The following ACBD6 variants were observed in gnomAD, a reference collection of about 807,000 sequenced individuals.
The protein encoded by ACBD6 is acyl-CoA-binding domain-containing protein 6.
Under a neutral mutation model 37.2 loss-of-function variants are expected in ACBD6, and 28 were observed. The observed-to-expected ratio is 0.75, with a 90% confidence interval of 0.56 to 1.03. The LOEUF (loss-of-function observed/expected upper bound fraction) is 1.03. Among genes scored for constraint, ACBD6 ranks in the 50% least tolerant of loss-of-function variants. The pLI is 0.00. For missense variants in ACBD6, 340 were observed against 337.4 expected (o/e 1.01, Z -0.06); for synonymous variants, 113 against 126.8 (o/e 0.89, Z 0.73).
At chr1:180,285,964 T>G (rs1160480775), downstream of ACBD6, among the ~76,000 whole-genome samples, 1 of 152,182 alleles carries the variant, frequency 6.6e-6, no homozygotes, top group East Asian at 1.9e-4. Flanking sequence ...AAGATTTAGT[T>G]AGTTTCTGAT....
chr1:180,366,464 T>C (rs1451346166), intron 6 of ACBD6, among the ~76,000 whole-genome samples: 2 of 152,182 alleles, frequency 1.3e-5, no homozygotes, highest in Non-Finnish European at 2.9e-5. Flanking sequence ...CAAGAGAGAA[T>C]GTAGCCAGGG....
At chr1:180,339,520 G>A (rs1203246246) in intron 6 of ACBD6, among the ~76,000 whole-genome samples, 3 of 102,234 alleles carry the variant, frequency 2.9e-5, no homozygotes, top group African/African-American at 8.2e-5. Context: ...ATCACACCCC[G>A]GGGCCTGTTG....
intron 5 of ACBD6, among the ~76,000 whole-genome samples, chr1:180,407,760 C>G (rs1252017098): frequency 6.6e-6 from 1 of 152,098 alleles, no homozygotes; most frequent in African/African-American, 2.4e-5. Context: ...CAATATCTGC[C>G]TTAGAGAACT....
At chr1:180,400,786 G>A (rs1328131444) in intron 5 of ACBD6, among the ~76,000 whole-genome samples, 1 of 152,030 alleles carries the variant, frequency 6.6e-6, no homozygotes, top group East Asian at 1.9e-4. Flanking sequence ...AAACACCTGT[G>A]GTTTCTTTCC....
intron 7 of ACBD6, among the ~76,000 whole-genome samples, chr1:180,299,332 G>A (rs1650041176): frequency 6.6e-6 from 1 of 152,134 alleles, no homozygotes; most frequent in African/African-American, 2.4e-5. Context: ...GGATATACTG[G>A]TGCCCACAAT....
intron 6 of ACBD6, among the ~76,000 whole-genome samples, chr1:180,382,902 T>G (rs1204767591): frequency 3.9e-5 from 6 of 152,064 alleles, no homozygotes. Flanking sequence ...ATACACAAAT[T>G]AATAAATGTG....
chr1:180,276,132 C>A (rs1649012904), intron 9 of ACBD6: 2 of 152,168 alleles, frequency 1.3e-5, no homozygotes, highest in African/African-American at 4.8e-5. Flanking sequence ...TAAATGAGAT[C>A]AGCAGAGTAG....
intron 6 of ACBD6, among the ~76,000 whole-genome samples, chr1:180,331,788 G>T (rs1215369202): frequency 2.0e-5 from 3 of 152,118 alleles, no homozygotes; most frequent in Non-Finnish European, 4.4e-5. Flanking sequence ...CCAACCCCAA[G>T]ACTTCATGTT....
chr1:180,391,700 G>A (rs898772981), intron 6 of ACBD6, among the ~76,000 whole-genome samples: 1 of 152,134 alleles, frequency 6.6e-6, no homozygotes, highest in African/African-American at 2.4e-5. Flanking sequence ...ATACATCACT[G>A]CTGAGAATAT....
At chr1:180,417,383 A>G (rs1648143993) in intron 4 of ACBD6, among the ~76,000 whole-genome samples, 1 of 152,188 alleles carries the variant, frequency 6.6e-6, no homozygotes, top group South Asian at 2.1e-4. Flanking sequence ...TATAACCAAA[A>G]GACGGAGGCA....
chr1:180,317,132 C>A (rs114897518), intron 6 of ACBD6, among the ~76,000 whole-genome samples: 1 of 152,128 alleles, frequency 6.6e-6, no homozygotes, highest in African/African-American at 2.4e-5. Context: ...TAGAAGTGTG[C>A]GCACACAGAA....
At chr1:180,324,911 A>G (rs1487301521) in intron 6 of ACBD6, among the ~76,000 whole-genome samples, 2 of 152,104 alleles carry the variant, frequency 1.3e-5, no homozygotes, top group Admixed American at 1.3e-4. Context: ...TTAGCACTTT[A>G]AATATGTCAT....
intron 6 of ACBD6, among the ~76,000 whole-genome samples, chr1:180,361,437 T>C (rs1652849077): frequency 6.7e-6 from 1 of 148,998 alleles, no homozygotes; most frequent in African/African-American, 2.4e-5. Flanking sequence ...AAACACATAA[T>C]GGAATCTGTA....
At chr1:180,454,125 T>C (rs773706901) in intron 3 of ACBD6, among the ~76,000 whole-genome samples, 3 of 152,108 alleles carry the variant, frequency 2.0e-5, no homozygotes, top group Non-Finnish European at 4.4e-5. Context: ...CTTCAAACTA[T>C]ACTACAAGGC....
chr1:180,370,673 C>T (rs957598271), intron 6 of ACBD6, among the ~76,000 whole-genome samples: 1 of 151,840 alleles, frequency 6.6e-6, no homozygotes, highest in South Asian at 2.1e-4. Context: ...ATGGAACTAT[C>T]GTGTGTGTGT....
At chr1:180,348,575 T>C (rs1652281146) in intron 6 of ACBD6, among the ~76,000 whole-genome samples, 1 of 152,164 alleles carries the variant, frequency 6.6e-6, no homozygotes, top group Admixed American at 6.5e-5. Context: ...GGAGTATAAA[T>C]GAATGTAGCC....
At chr1:180,316,351 C>CACAT (rs1206417449) in intron 6 of ACBD6, among the ~76,000 whole-genome samples, 1 of 151,748 alleles carries the variant, frequency 6.6e-6, no homozygotes, top group Non-Finnish European at 1.5e-5. Context: ...CACACACACA[C>CACAT]ACATACATGC....
intron 4 of ACBD6, among the ~76,000 whole-genome samples, chr1:180,429,053 G>C (rs954055859): frequency 6.6e-6 from 1 of 152,218 alleles, no homozygotes; most frequent in African/African-American, 2.4e-5. Context: ...ACTAAGTTTG[G>C]GGGCCTTCCT....
intron 6 of ACBD6, among the ~76,000 whole-genome samples, chr1:180,381,077 T>C (rs1653628984): frequency 6.6e-6 from 1 of 152,076 alleles, no homozygotes; most frequent in Non-Finnish European, 1.5e-5. Flanking sequence ...TATACTTTTA[T>C]CAGACAAAAT....
Sources: allele counts gnomAD v4.1 joint callset (sites outside exome capture counted in the v4.1 genomes callset), GRCh38; gene constraint gnomAD v4.1.1; transcripts MANE v1.5; gene names NCBI Gene and HGNC (gene_info 2026-07-23, HGNC 2026-07-21).